MKLN1: variants seen among roughly 807,000 people sequenced by gnomAD.
The protein encoded by MKLN1 is muskelin.
MKLN1 carries 18 observed loss-of-function variants against 99.0 expected under a neutral mutation model. The ratio of observed to expected loss-of-function variants is 0.18; its 90% CI spans 0.13 to 0.27. The LOEUF is 0.27. MKLN1 is among the 10% of genes least tolerant of loss of function. The pLI, the probability that MKLN1 is intolerant of heterozygous loss-of-function variation, is 1.00. For synonymous variants in MKLN1, 288 were observed against 293.2 expected (o/e 0.98, Z 0.18); for missense variants, 621 against 875.9 (o/e 0.71, Z 3.67).
chr7:131,125,922 C>T (rs1290691172), intron 1 of MKLN1, among the ~76,000 whole-genome samples: 1 of 151,048 alleles, frequency 6.6e-6, no homozygotes, highest in Non-Finnish European at 1.5e-5. Flanking sequence ...AGGAGAATGG[C>T]GTGAACCCAG....
chr7:131,266,312 C>T (rs1331707898), intron 3 of MKLN1, among the ~76,000 whole-genome samples: 3 of 151,788 alleles, frequency 2.0e-5, no homozygotes, highest in African/African-American at 2.4e-5. Flanking sequence ...TAGTTGTGGG[C>T]AATTTACTTA....
chr7:131,414,287 A>T (rs1186674990), intron 7 of MKLN1, among the ~76,000 whole-genome samples: 1 of 152,092 alleles, frequency 6.6e-6, no homozygotes. Flanking sequence ...TATACGGGAG[A>T]TCTAATTTTG....
At chr7:131,156,596 T>C (rs917290761) in intron 2 of MKLN1, among the ~76,000 whole-genome samples, 2 of 152,118 alleles carry the variant, frequency 1.3e-5, no homozygotes, top group Admixed American at 6.5e-5. Flanking sequence ...GCAAAGCCCA[T>C]TTTATAATAA....
chr7:131,292,164 A>C (rs1798229147), intron 3 of MKLN1, among the ~76,000 whole-genome samples: 1 of 152,168 alleles, frequency 6.6e-6, no homozygotes. Context: ...AATTTGAGGC[A>C]AGTTGATCAT....
chr7:131,447,051 A>T (rs540844671), intron 12 of MKLN1, among the ~76,000 whole-genome samples: 95 of 152,372 alleles, frequency 6.2e-4, no homozygotes, highest in African/African-American at 2.1e-3. Context: ...TTTTATAAAA[A>T]AGGAGACATT....
At chr7:131,463,581 G>T (rs1407207979) in intron 13 of MKLN1, among the ~76,000 whole-genome samples, 1 of 152,162 alleles carries the variant, frequency 6.6e-6, no homozygotes, top group African/African-American at 2.4e-5. Context: ...GATGGTTCCT[G>T]GCCTGGGACT....
intron 3 of MKLN1, among the ~76,000 whole-genome samples, chr7:131,234,019 C>T (rs1240896592): frequency 6.6e-6 from 1 of 151,630 alleles, no homozygotes; most frequent in Non-Finnish European, 1.5e-5. Context: ...TGCTCTTGTC[C>T]CCCAGGCTAG....
intron 1 of MKLN1, among the ~76,000 whole-genome samples, chr7:131,344,657 C>T (rs1331164101): frequency 1.3e-5 from 2 of 152,194 alleles, no homozygotes; most frequent in East Asian, 3.8e-4. Flanking sequence ...TTGCCTGTGG[C>T]TTATGCCCTT....
At chr7:131,159,118 C>T (rs140232420) in intron 2 of MKLN1, among the ~76,000 whole-genome samples, 21 of 152,092 alleles carry the variant, frequency 1.4e-4, no homozygotes, top group Middle Eastern at 3.4e-3. Flanking sequence ...CGCCTGAGCC[C>T]GGAGGTGGAG....
In MKLN1 at chr7:131,397,351, A is replaced by G. The variant is rs771388263; in HGVS notation, c.485A>G (p.Gln162Arg). 38 of 1,609,686 alleles carry G rather than the reference A, an allele frequency of 2.4e-5. No individual in the cohort carries two copies. Among genetic ancestry groups the G allele is most frequent in the Non-Finnish European group, 2.9e-5 (34 of 1,177,178 alleles). The change falls in exon 5 of 18, where the codon CAA (glutamine) becomes CGA (arginine). Residue 162 changes from glutamine (Q) to arginine (R), a missense_variant. Gln to Arg is a conservative substitution (Grantham distance 43, BLOSUM62 1). This residue lies in a region of MKLN1 where 361 missense variants were observed against 540.8 expected (regional missense o/e 0.67). Coordinates refer to ENST00000352689, the MANE Select transcript of MKLN1 (RefSeq NM_013255.5). Reference sequence around the variant, plus strand: ...GGCATTGATGATCCTGATATAGTACAACCTTGTCTCAACTGGTATAGCAAG... The same window carrying G: ...GGCATTGATGATCCTGATATAGTACGACCTTGTCTCAACTGGTATAGCAAG... Reference protein sequence around the residue: ...LSGIDDPDIVQPCLNWYSKYR... With the variant: ...LSGIDDPDIVRPCLNWYSKYR...
At chr7:131,445,128 GT>G (rs1310121026) in intron 11 of MKLN1, among the ~76,000 whole-genome samples, 2 of 151,938 alleles carry the variant, frequency 1.3e-5, no homozygotes, top group Non-Finnish European at 1.5e-5. Flanking sequence ...CAAAAAGTAT[GT>G]ATTAAAATCA....
At chr7:131,239,679 A>C (rs993880124) in intron 3 of MKLN1, among the ~76,000 whole-genome samples, 1 of 152,106 alleles carries the variant, frequency 6.6e-6, no homozygotes, top group Non-Finnish European at 1.5e-5. Context: ...GAGTCATCCC[A>C]TCCCATGTTT....
At chr7:131,205,794 T>C (rs1796801243) in intron 3 of MKLN1, among the ~76,000 whole-genome samples, 1 of 152,084 alleles carries the variant, frequency 6.6e-6, no homozygotes, top group Admixed American at 6.6e-5. Flanking sequence ...CTCATGCACT[T>C]TCCCCCATCT....
chr7:131,426,492 T>C (rs554771148), intron 8 of MKLN1, among the ~76,000 whole-genome samples: 1 of 152,308 alleles, frequency 6.6e-6, no homozygotes, highest in East Asian at 1.9e-4. Context: ...CTGTGTGCCA[T>C]TTTGGAAACA....
At chr7:131,378,586 T>G (rs779330584) in intron 2 of MKLN1, among the ~76,000 whole-genome samples, 10 of 152,146 alleles carry the variant, frequency 6.6e-5, no homozygotes, top group Non-Finnish European at 1.2e-4. Flanking sequence ...TCCTACCACT[T>G]TGGGAGGCCA....
At chr7:131,407,646 T>C (rs1794746559) in intron 6 of MKLN1, among the ~76,000 whole-genome samples, 5 of 151,868 alleles carry the variant, frequency 3.3e-5, no homozygotes, top group Admixed American at 3.3e-4. Context: ...TCTCACTTTT[T>C]TCCCCTTTCC....
At chr7:131,386,277 G>T (rs372913481) in intron 2 of MKLN1, among the ~76,000 whole-genome samples, 1 of 152,100 alleles carries the variant, frequency 6.6e-6, no homozygotes, top group Admixed American at 6.6e-5. Flanking sequence ...CTCCCAAAGT[G>T]CTGGGATTAC....
chr7:131,227,232 C>T lies in MKLN1; in HGVS notation c.-179+24258C>T, dbSNP rs78216635. Among the ~76,000 whole-genome samples, 1,319 of 152,312 alleles carry T rather than the reference C, an allele frequency of 8.7e-3. 19 individuals are homozygous for T. The highest frequency in any genetic ancestry group is 0.031 in the African/African-American group (1,272 of 41,558). ...AACGTTCTTCCAGGGTTCTATGAAA[C>T]CTTCCTTGCCTCTGGGCACAACCGG... On this transcript the variant is annotated intron_variant, in intron 3 of 7. Transcript: ENST00000416992.
At chr7:131,262,033 T>C (rs1036933004) in intron 3 of MKLN1, among the ~76,000 whole-genome samples, 3 of 152,184 alleles carry the variant, frequency 2.0e-5, no homozygotes, top group Admixed American at 6.5e-5. Flanking sequence ...AACTACCTAT[T>C]GGGTACTATG....
Sources: allele counts gnomAD v4.1 joint callset (sites outside exome capture counted in the v4.1 genomes callset), GRCh38; gene constraint gnomAD v4.1.1; regional missense constraint gnomAD v4.1.1; transcripts MANE v1.5; gene names NCBI Gene and HGNC (gene_info 2026-07-23, HGNC 2026-07-21).